Variants in TACC3 observed in about 807,000 individuals in gnomAD.
TACC3 encodes the protein transforming acidic coiled-coil containing protein 3.
TACC3 carries 52 observed loss-of-function variants against 86.0 expected under a neutral mutation model. The observed-to-expected ratio is 0.60, with a 90% CI of 0.48 to 0.76. TACC3 has a LOEUF of 0.76. TACC3 is among the 30% of genes least tolerant of loss of function. The pLI is 0.00. For synonymous variants in TACC3, 512 were observed against 430.0 expected (o/e 1.19, Z -2.36); for missense variants, 1,120 against 1,070.4 (o/e 1.05, Z -0.65).
At position 1,728,231 on chromosome 4, in the gene TACC3, G is replaced by T. The variant is rs775725966; in HGVS notation, c.829G>T (p.Ala277Ser). Residue 277 changes from alanine to serine, a missense_variant, in exon 4 of 16, where the codon GCG becomes TCG. Transcript: ENST00000313288. ...GCCTGGCGAAGCCCTGGGCTGCCCT[G>T]CGGGTGTGGGCACCCCCGTGCCAGC... Reference protein sequence around the residue: ...GLPGEALGCPAGVGTPVPADG... With the variant: ...GLPGEALGCPSGVGTPVPADG... The T allele has an allele frequency of 1.4e-5, 22 of 1,612,164 alleles. No homozygotes were observed. The highest frequency in any genetic ancestry group is 1.9e-5 in the Non-Finnish European group (22 of 1,179,820).
At chr4:1,744,027 C>T (rs956268854) in intron 13 of TACC3, among the ~76,000 whole-genome samples, 2 of 152,140 alleles carry the variant, frequency 1.3e-5, no homozygotes, top group Non-Finnish European at 2.9e-5. Flanking sequence ...CTCGGGGACC[C>T]AGGAACCCCT....
chr4:1,721,460 C>T (rs1717351369), upstream of TACC3: 1 of 151,964 alleles, frequency 6.6e-6, no homozygotes, highest in South Asian at 2.1e-4. Flanking sequence ...CCCGGCCGCG[C>T]GCTGATTGGC....
intron 3 of TACC3, among the ~76,000 whole-genome samples, chr4:1,727,125 C>T (rs1342341709): frequency 4.7e-5 from 7 of 150,378 alleles, no homozygotes; most frequent in African/African-American, 9.9e-5. Context: ...AGCAAAAATC[C>T]GTCTCAAAAA....
chr4:1,744,404 G>C, intron 13 of TACC3, 114 bp from the exon 14 acceptor site: 1 of 950,594 alleles, frequency 1.1e-6, no homozygotes, highest in East Asian at 2.5e-5. Flanking sequence ...GGAGCTACTG[G>C]CTCACGGCTG....
intron 8 of TACC3, among the ~76,000 whole-genome samples, 187 bp from the exon 9 acceptor site, chr4:1,737,053 GA>G (rs1718307209): frequency 1.3e-5 from 2 of 152,226 alleles, no homozygotes; most frequent in Non-Finnish European, 2.9e-5. Context: ...GCAGGTGAGG[GA>G]GGGGGGCACG....
At chr4:1,720,890 G>A (rs571390626), upstream of TACC3, 1 of 1,519,316 alleles carries the variant, frequency 6.6e-7, no homozygotes, top group East Asian at 2.5e-5. The surrounding 1 kb of genome is among the most constrained non-coding windows in gnomAD (Gnocchi z 4.4). Flanking sequence ...GCGCGCGGAC[G>A]AGGCCGCAGC....
At chr4:1,720,674 C>G, upstream of TACC3, 1 of 1,548,732 alleles carries the variant, frequency 6.5e-7, no homozygotes, top group South Asian at 1.2e-5. This position sits in a 1 kb window ranked among gnomAD's most constrained non-coding sequence, Gnocchi z 4.4. Context: ...GGCGGCCGTG[C>G]GGCGCAAGTG....
intron 6 of TACC3, among the ~76,000 whole-genome samples, chr4:1,734,430 C>T (rs1219003331): frequency 6.6e-6 from 1 of 152,196 alleles, no homozygotes. Flanking sequence ...TCAGGTGATC[C>T]ACCTGCCTTG....
intron 6 of TACC3, among the ~76,000 whole-genome samples, 180 bp downstream of exon 6, chr4:1,731,481 G>C (rs1718007083): frequency 6.6e-6 from 1 of 152,224 alleles, no homozygotes; most frequent in Admixed American, 6.5e-5. Context: ...AGTGTTAGGA[G>C]AGCAGGGCTC....
upstream of TACC3, chr4:1,721,136 C>T: frequency 8.5e-6 from 2 of 236,646 alleles, no homozygotes; most frequent in Admixed American, 5.8e-5. Flanking sequence ...CTGGGAGATG[C>T]AGTCCCCGTG....
At chr4:1,739,512 G>A (rs1027033460) in intron 10 of TACC3, 190 bp from the exon 11 acceptor site, 68 of 596,990 alleles carry the variant, frequency 1.1e-4, no homozygotes, top group Admixed American at 2.4e-4. Flanking sequence ...CCTGGCAGTC[G>A]GGTGCACGTG....
chr4:1,735,010 T>C lies in TACC3; in HGVS notation c.1592-263T>C, dbSNP rs28499138. On this transcript the variant is annotated intron_variant, in intron 6 of 15. Coordinates refer to ENST00000313288, the MANE Select transcript of TACC3 (RefSeq NM_006342.3). The surrounding 1 kb of genome is among the most constrained non-coding windows in gnomAD (Gnocchi z 4.2). Reference sequence around the variant, plus strand: ...ACCAGAGCAGTTTTGCCCCCGCCTTTCCCCAGATGTTTGTGGTTGTCACAC... The same window carrying C: ...ACCAGAGCAGTTTTGCCCCCGCCTTCCCCCAGATGTTTGTGGTTGTCACAC... 0.4 allele frequency among the ~76,000 whole-genome samples: 60,428 copies of C among 152,258 alleles called. 12,380 individuals are homozygous for C. Among genetic ancestry groups the C allele is most frequent in the Non-Finnish European group, 0.46 (31,229 of 68,000 alleles).
rs1187603169 is a variant in TACC3, at chr4:1,727,705, A to G, written c.306-3A>G. 1 of 1,569,740 alleles carries G rather than the reference A, an allele frequency of 6.4e-7. No individual in the cohort carries two copies. ...TTCACGTTGATTAAGTCTCTTTTAA[A>G]AGCCAACAGCTCATCAAGGAAGTGG... is the stretch of plus-strand genomic sequence containing the variant. On this transcript the variant is annotated splice_region_variant and splice_polypyrimidine_tract_variant and intron_variant, in intron 3 of 15. Coordinates refer to ENST00000313288, the MANE Select transcript of TACC3 (RefSeq NM_006342.3).
intron 8 of TACC3, among the ~76,000 whole-genome samples, 189 bp downstream of exon 8, chr4:1,736,023 G>A (rs910506658): frequency 2.6e-5 from 4 of 152,242 alleles, no homozygotes; most frequent in African/African-American, 7.2e-5. Flanking sequence ...CAGGAGCAAC[G>A]GCAGCCTACC....
rs752868677 is a variant in TACC3 at position 1,723,551 on chromosome 4, G to C, written c.130G>C (p.Val44Leu). 6.2e-7 allele frequency: 1 copy of C among 1,613,660 alleles called. No homozygotes were observed. Among genetic ancestry groups the C allele is most frequent in the Admixed American group, 1.7e-5 (1 of 60,012 alleles). Residue 44 changes from valine (V) to leucine (L), a missense_variant, in exon 2 of 16, where the codon GTG (valine) becomes CTG (leucine). Transcript: ENST00000313288. ...SVLRVSQKEN[V>L]PPKNLAKAMK... is the part of the protein sequence containing the mutation. ...TCTTCGTGTGTCACAGAAAGAAAAT[G>C]TGCCACCCAAGAACCTGGCCAAAGC...
chr4:1,743,655 C>T (rs1364969232), intron 13 of TACC3, among the ~76,000 whole-genome samples: 3 of 152,138 alleles, frequency 2.0e-5, no homozygotes, highest in Non-Finnish European at 4.4e-5. Flanking sequence ...ATGAGGGAAG[C>T]AGAGGCTGAG....
rs1306854654 is a variant in TACC3 at position 1,744,746 on chromosome 4, G to A, written c.2365G>A (p.Ala789Thr). 2 of 1,612,696 alleles carry A rather than the reference G, an allele frequency of 1.2e-6. No homozygotes were observed. Among genetic ancestry groups the A allele is most frequent in the Non-Finnish European group, 1.7e-6 (2 of 1,180,002 alleles). ...NEEIAQVRSK[A>T]QAEALALQAS... ...GGAGATCGCCCAGGTCCGGAGCAAG[G>A]CCCAGGCGGAAGCGTTGGCCCTCCA... Residue 789 changes from alanine (A) to threonine (T), a missense_variant, in exon 15 of 16, where the codon GCC (alanine) becomes ACC (threonine). Transcript: ENST00000313288.
In TACC3 at chr4:1,737,788, ACCCGCCATC is replaced by A. The variant is rs1560317520; in HGVS notation, c.1941+89_1941+97del. 1.2e-5 allele frequency: 14 copies of A among 1,210,622 alleles called. No individual in the cohort carries two copies. In the South Asian group the frequency reaches 1.5e-4, roughly 13 times the overall value. 75.0% of individuals were successfully genotyped at this position (1,210,622 alleles called of 1,614,324 possible). A position where few individuals can be genotyped will look rare whatever the true frequency, so the allele number is the denominator to read the frequency against. ...CAGTGGGCAGGGGTCCAACAGCCTG[ACCCGCCATC>A]CCTGCCATCCCTGCCCCTGCTGGTT... On this transcript the variant is annotated intron_variant, in intron 10 of 15. Transcript: ENST00000313288.
chr4:1,727,842 G>A lies in TACC3; in HGVS notation c.440G>A (p.Gly147Asp), dbSNP rs1299510935. 3.7e-6 allele frequency: 6 copies of A among 1,613,274 alleles called. No homozygotes were observed. Among genetic ancestry groups the A allele is most frequent in the Non-Finnish European group, 5.1e-6 (6 of 1,180,030 alleles). ...GGCAGCTCCAGCGAGTCTGGCCCAG[G>A]TGCCCTGGCTGACCTGGACTGCTCA... ...GSGSSSESGP[G>D]ALADLDCSSS... is the part of the protein sequence containing the mutation. Residue 147 changes from glycine (G) to aspartate (D), a missense_variant, in exon 4 of 16, where the codon GGT (glycine) becomes GAT (aspartate). Gly to Asp is a moderately conservative substitution (Grantham distance 94, BLOSUM62 -1). Coordinates refer to ENST00000313288, the MANE Select transcript of TACC3 (RefSeq NM_006342.3).
Sources: gnomAD v4.1 joint callset for allele counts (sites outside exome capture counted in the v4.1 genomes callset) on GRCh38, gnomAD v4.1.1 for gene constraint, Gnocchi (gnomAD v3.1) non-coding constraint, MANE v1.5 for transcripts, NCBI Gene and HGNC (gene_info 2026-07-23, HGNC 2026-07-21) for gene names.